MAN2A1: variants seen among roughly 807,000 people sequenced by gnomAD.
The protein encoded by MAN2A1 is alpha-mannosidase 2.
Under a neutral mutation model 142.6 loss-of-function variants are expected in MAN2A1, and 76 were observed. The observed-to-expected ratio is 0.53, with a 90% CI of 0.44 to 0.65. The LOEUF is 0.65. MAN2A1 is among the 30% of genes least tolerant of loss of function. The pLI is 0.00. For synonymous variants in MAN2A1, 559 were observed against 473.2 expected (o/e 1.18, Z -2.35); for missense variants, 1,311 against 1,365.1 (o/e 0.96, Z 0.62).
chr5:109,753,966 T>TGGCGTAATCATAGCTCACTGCAGC, intron 4 of MAN2A1, among the ~76,000 whole-genome samples: 1 of 151,828 alleles, frequency 6.6e-6, no homozygotes, highest in Non-Finnish European at 1.5e-5. Flanking sequence ...TGGAGTGCAG[T>TGGCGTAATCATAGCTCACTGCAGC]GGCGTAATCA....
chr5:109,712,877 G>T (rs1232654146), intron 1 of MAN2A1, among the ~76,000 whole-genome samples: 2 of 152,190 alleles, frequency 1.3e-5, no homozygotes, highest in Non-Finnish European at 2.9e-5. Flanking sequence ...GTATTATTTT[G>T]TATAACGAGG....
At chr5:109,816,306 A>G (rs953299828) in intron 12 of MAN2A1, among the ~76,000 whole-genome samples, 2 of 152,238 alleles carry the variant, frequency 1.3e-5, no homozygotes, top group South Asian at 2.1e-4. Context: ...GGTATAAAAT[A>G]TTGGAAAAAT....
intron 1 of MAN2A1, among the ~76,000 whole-genome samples, chr5:109,709,352 A>G (rs1358001468): frequency 3.9e-5 from 6 of 152,224 alleles, no homozygotes; most frequent in African/African-American, 1.2e-4. Flanking sequence ...TGATTGAGCA[A>G]TATTGAGAGG....
At chr5:109,738,816 A>G (rs1449090250) in intron 4 of MAN2A1, among the ~76,000 whole-genome samples, 3 of 151,996 alleles carry the variant, frequency 2.0e-5, no homozygotes, top group Non-Finnish European at 4.4e-5. Context: ...TTTAATGCTG[A>G]AGTCTTCTAT....
chr5:109,832,640 G>C (rs1286944649), intron 16 of MAN2A1, among the ~76,000 whole-genome samples: 1 of 152,134 alleles, frequency 6.6e-6, no homozygotes, highest in East Asian at 1.9e-4. Context: ...CCTTCCACTC[G>C]ACAAAACCGC....
chr5:109,734,303 GAA>G (rs71626619), intron 4 of MAN2A1, among the ~76,000 whole-genome samples: 26 of 135,820 alleles, frequency 1.9e-4, no homozygotes, highest in Admixed American at 1.4e-3. Context: ...TTGATCTTTT[GAA>G]AAAAAAAAAA....
intron 13 of MAN2A1, among the ~76,000 whole-genome samples, chr5:109,818,755 A>G (rs1754540203): frequency 6.6e-6 from 1 of 152,226 alleles, no homozygotes; most frequent in African/African-American, 2.4e-5. Flanking sequence ...GAGAATGATC[A>G]TACAGGTTCA....
chr5:109,701,012 T>C (rs1750965517), intron 1 of MAN2A1, among the ~76,000 whole-genome samples: 1 of 152,240 alleles, frequency 6.6e-6, no homozygotes, highest in Non-Finnish European at 1.5e-5. Context: ...GAGGTTAGAA[T>C]GTTGCCTGGC....
At chr5:109,819,479 T>G (rs571792368) in intron 13 of MAN2A1, among the ~76,000 whole-genome samples, 190 bp from the exon 14 acceptor site, 3 of 150,550 alleles carry the variant, frequency 2.0e-5, no homozygotes, top group South Asian at 2.2e-4. Context: ...TTGTTTTTTG[T>G]TTTTTTTTCA....
chr5:109,852,019 G>A (rs1755493972), intron 19 of MAN2A1, among the ~76,000 whole-genome samples: 1 of 151,490 alleles, frequency 6.6e-6, no homozygotes, highest in Admixed American at 6.6e-5. Flanking sequence ...TCCACAATAG[G>A]ACTGAATGCC....
At chr5:109,772,003 C>T (rs968670715) in intron 7 of MAN2A1, among the ~76,000 whole-genome samples, 2 of 152,154 alleles carry the variant, frequency 1.3e-5, no homozygotes, top group Non-Finnish European at 2.9e-5. Context: ...AGGATGATAC[C>T]TTGTGCTCAT....
intron 10 of MAN2A1, among the ~76,000 whole-genome samples, chr5:109,787,899 T>C (rs1330903897): frequency 6.6e-6 from 1 of 151,908 alleles, no homozygotes; most frequent in Non-Finnish European, 1.5e-5. Flanking sequence ...TGAACTCAAA[T>C]CCATAAGATT....
chr5:109,823,946 T>C (rs917375665), intron 16 of MAN2A1, 109 bp downstream of exon 16: 11 of 536,066 alleles, frequency 2.1e-5, no homozygotes, highest in Admixed American at 3.5e-5. Context: ...ATGATGTTTT[T>C]CTAAACTTGA....
intron 4 of MAN2A1, among the ~76,000 whole-genome samples, chr5:109,739,040 C>A (rs1208177294): frequency 6.6e-6 from 1 of 152,006 alleles, no homozygotes; most frequent in Non-Finnish European, 1.5e-5. Context: ...TGAGATTTTG[C>A]CATGTTGCGC....
At chr5:109,732,982 T>C (rs1215530802) in intron 4 of MAN2A1, among the ~76,000 whole-genome samples, 1 of 152,258 alleles carries the variant, frequency 6.6e-6, no homozygotes, top group Non-Finnish European at 1.5e-5. Flanking sequence ...ATATTGATTC[T>C]TTCTACCCAT....
rs530676579 is a variant in MAN2A1 at position 109,846,147 on chromosome 5, A to G, written c.2842+141A>G. 1.9e-4 allele frequency: 129 copies of G among 691,444 alleles called. 1 individual carries two copies. The South Asian group carries it at 3.5e-3, about 19-fold the overall frequency. 42.8% of individuals were successfully genotyped at this position (691,444 alleles called of 1,614,324 possible). The stretch of plus-strand genomic sequence containing the variant: ...GCTTTTTTCTTTCAACAACCAGACT[A>G]TTAGTTAAGTTTGGGTTTTGTGAGA... On this transcript the variant is annotated intron_variant, in intron 18 of 21. Transcript: ENST00000261483.
intron 16 of MAN2A1, among the ~76,000 whole-genome samples, chr5:109,838,907 G>A (rs1203782157): frequency 6.6e-6 from 1 of 152,168 alleles, no homozygotes; most frequent in Non-Finnish European, 1.5e-5. Flanking sequence ...ATTATTGCTA[G>A]AGGTAGTGTG....
intron 8 of MAN2A1, among the ~76,000 whole-genome samples, chr5:109,780,772 C>G (rs1753435364): frequency 6.6e-6 from 1 of 152,152 alleles, no homozygotes; most frequent in Non-Finnish European, 1.5e-5. Context: ...TGTGTTTAAG[C>G]AGCCAGACTT....
Position 109,867,303 on chromosome 5 carries a change from G to A in MAN2A1, c.*305G>A. On this transcript the variant is annotated 3_prime_UTR_variant, in exon 22 of 22. Transcript: ENST00000261483. ...AGCCTCTCAACAGATTGTATCTCAGGTTAAATGCTAACTAATTATGTCTGT... is the reference window on the plus strand; with the variant it reads ...AGCCTCTCAACAGATTGTATCTCAGATTAAATGCTAACTAATTATGTCTGT... The A allele has an allele frequency of 5.4e-6, 1 of 186,780 alleles. No individual in the cohort carries two copies. The highest frequency in any genetic ancestry group is 1.1e-5 in the Non-Finnish European group (1 of 91,090). The allele number at this position is 186,780 out of a possible 1,614,324, so 11.6% of individuals were successfully genotyped here.
Sources: gnomAD v4.1 joint callset for allele counts (sites outside exome capture counted in the v4.1 genomes callset) on GRCh38, gnomAD v4.1.1 for gene constraint, MANE v1.5 for transcripts, NCBI Gene and HGNC (gene_info 2026-07-23, HGNC 2026-07-21) for gene names.